The following BCL2 variants were observed in gnomAD, a reference collection of about 807,000 sequenced individuals.
BCL2 encodes apoptosis regulator Bcl-2.
A neutral mutation model predicts 14.2 loss-of-function variants in BCL2; 1 was observed. The observed-to-expected ratio is 0.07, with a 90% CI of 0.02 to 0.33. BCL2 has a LOEUF of 0.33. Among genes scored for constraint, BCL2 ranks in the 10% least tolerant of loss-of-function variants. The pLI is 0.99. For synonymous variants in BCL2, 151 were observed against 137.2 expected (o/e 1.10, Z -0.70); for missense variants, 247 against 305.9 (o/e 0.81, Z 1.44).
In BCL2 at chr18:63,129,291, T is replaced by TC. The variant is rs1312991393; in HGVS notation, c.586-533dup. Reference sequence around the variant, plus strand: ...TAGTCTTTGTACCAAACTTTTTCTTTCTTTTTTTTTTTTTAGAGACAAGAG... The same window carrying TC: ...TAGTCTTTGTACCAAACTTTTTCTTTCCTTTTTTTTTTTTTAGAGACAAGAG... On this transcript the variant is annotated intron_variant, in intron 2 of 2. Transcript: ENST00000333681. 5.2e-4 allele frequency among the ~76,000 whole-genome samples: 15 copies of TC among 29,068 alleles called. No individual in the cohort carries two copies. The East Asian group carries it at 0.028, about 54-fold the overall frequency. 19.1% of individuals were successfully genotyped at this position (29,068 alleles called of 152,430 possible). A position where few individuals can be genotyped will look rare whatever the true frequency, so the allele number is the denominator to read the frequency against.
chr18:63,275,454 G>A (rs1461072431), intron 2 of BCL2, among the ~76,000 whole-genome samples: 2 of 152,126 alleles, frequency 1.3e-5, no homozygotes, highest in Non-Finnish European at 2.9e-5. Context: ...CCTCTCAGTG[G>A]CCAAAGGATG....
At chr18:63,300,481 T>G (rs1022575852) in intron 2 of BCL2, among the ~76,000 whole-genome samples, 1 of 151,976 alleles carries the variant, frequency 6.6e-6, no homozygotes, top group African/African-American at 2.4e-5. Flanking sequence ...TGTGTGTGTG[T>G]GTGTGTGTGT....
chr18:63,234,689 A>G (rs1910774524), intron 2 of BCL2, among the ~76,000 whole-genome samples: 1 of 152,168 alleles, frequency 6.6e-6, no homozygotes, highest in Admixed American at 6.6e-5. Context: ...GGTTAAGCGC[A>G]TGGGCTCTGG....
chr18:63,237,527 T>C lies in BCL2; in HGVS notation c.585+80555A>G, dbSNP rs898353669. 4.9e-4 allele frequency among the ~76,000 whole-genome samples: 75 copies of C among 152,314 alleles called. 1 individual carries two copies. The highest frequency in any genetic ancestry group is 5.7e-4 in the Non-Finnish European group (39 of 68,030). ...CCTCCCAAGGCATATGATTCTGTCT[T>C]TTGCTTTCTCTTACCCTTAGCAATA... On this transcript the variant is annotated intron_variant, in intron 2 of 2. Transcript: ENST00000333681.
At position 63,128,388 on chromosome 18, in the gene BCL2, A is replaced by C; in HGVS notation, c.*237T>G. On this transcript the variant is annotated 3_prime_UTR_variant, in exon 3 of 3. Transcript: ENST00000333681. ...AATAAATAAATCTTTTTTTCTTAATAATGTAAAAAATAAATGATATTTCCC... is the reference window on the plus strand; with the variant it reads ...AATAAATAAATCTTTTTTTCTTAATCATGTAAAAAATAAATGATATTTCCC... The C allele has an allele frequency of 2.5e-6, 1 of 393,088 alleles. No homozygotes were observed. The highest frequency in any genetic ancestry group is 6.6e-5 in the South Asian group (1 of 15,092). 24.4% of individuals were successfully genotyped at this position (393,088 alleles called of 1,614,324 possible).
intron 2 of BCL2, among the ~76,000 whole-genome samples, chr18:63,313,294 T>G (rs570928355): frequency 3.3e-5 from 5 of 152,318 alleles, no homozygotes; most frequent in South Asian, 2.1e-4. Flanking sequence ...GTGGAATAAC[T>G]GTCAGTCCTT....
intron 2 of BCL2, among the ~76,000 whole-genome samples, chr18:63,290,681 CT>C (rs1211031545): frequency 6.6e-6 from 1 of 152,142 alleles, no homozygotes; most frequent in Non-Finnish European, 1.5e-5. Flanking sequence ...GGAGCCCTTG[CT>C]TTGGAGAGAT....
At chr18:63,274,858 C>T (rs1278398849) in intron 2 of BCL2, among the ~76,000 whole-genome samples, 1 of 152,094 alleles carries the variant, frequency 6.6e-6, no homozygotes, top group Non-Finnish European at 1.5e-5. Flanking sequence ...TAAATAAAAG[C>T]TTAATTTTTA....
chr18:63,154,747 C>T (rs1914730625), intron 2 of BCL2, among the ~76,000 whole-genome samples: 1 of 152,204 alleles, frequency 6.6e-6, no homozygotes, highest in Non-Finnish European at 1.5e-5. Flanking sequence ...CTCACTGCCA[C>T]CTGTCTCTCT....
chr18:63,158,434 C>T (rs928124839), intron 2 of BCL2, among the ~76,000 whole-genome samples: 4 of 152,146 alleles, frequency 2.6e-5, no homozygotes, highest in Admixed American at 6.5e-5. Context: ...CACACGCTCT[C>T]CTCCACACCA....
intron 2 of BCL2, among the ~76,000 whole-genome samples, chr18:63,258,339 T>C (rs977467578): frequency 6.6e-6 from 1 of 152,206 alleles, no homozygotes; most frequent in Non-Finnish European, 1.5e-5. Context: ...GGTACTACCA[T>C]ATATTATTTA....
At chr18:63,226,248 A>T (rs967310398) in intron 2 of BCL2, among the ~76,000 whole-genome samples, 1 of 152,122 alleles carries the variant, frequency 6.6e-6, no homozygotes, top group Non-Finnish European at 1.5e-5. Context: ...GGAGCCAGGG[A>T]TTTTTTATGG....
At chr18:63,194,514 T>C (rs1909388783) in intron 2 of BCL2, among the ~76,000 whole-genome samples, 1 of 152,072 alleles carries the variant, frequency 6.6e-6, no homozygotes, top group Non-Finnish European at 1.5e-5. Flanking sequence ...TTTGTATTTT[T>C]AGTAGAGACG....
chr18:63,173,964 T>C (rs574022419), intron 2 of BCL2, among the ~76,000 whole-genome samples: 7 of 152,316 alleles, frequency 4.6e-5, no homozygotes, highest in South Asian at 2.1e-4. Flanking sequence ...ACTTGGATAA[T>C]TGGAATGAGG....
intron 2 of BCL2, among the ~76,000 whole-genome samples, chr18:63,164,271 T>C (rs903978420): frequency 3.9e-5 from 6 of 152,168 alleles, no homozygotes; most frequent in African/African-American, 1.2e-4. Flanking sequence ...TATTACTACA[T>C]ACCCAAGAGA....
chr18:63,262,850 A>T (rs974731125), intron 2 of BCL2, among the ~76,000 whole-genome samples: 10 of 152,234 alleles, frequency 6.6e-5, no homozygotes, highest in African/African-American at 2.4e-4. Context: ...TCAACAAGGA[A>T]TATAAAAATG....
intron 2 of BCL2, among the ~76,000 whole-genome samples, chr18:63,204,036 C>A (rs1182720970): frequency 6.6e-6 from 1 of 152,126 alleles, no homozygotes; most frequent in Non-Finnish European, 1.5e-5. Flanking sequence ...TCTAGAGAAA[C>A]AGCACCACAG....
At chr18:63,296,937 G>A (rs1042277573) in intron 2 of BCL2, among the ~76,000 whole-genome samples, 32 of 152,328 alleles carry the variant, frequency 2.1e-4, no homozygotes, top group African/African-American at 7.0e-4. Flanking sequence ...AACCGGCCCC[G>A]CACGGTGGCT....
intron 2 of BCL2, among the ~76,000 whole-genome samples, chr18:63,275,997 C>T (rs1383317763): frequency 6.6e-6 from 1 of 152,234 alleles, no homozygotes. Context: ...CTTCAGGTGA[C>T]AGCCAACACC....
Sources: allele counts gnomAD v4.1 joint callset (sites outside exome capture counted in the v4.1 genomes callset), GRCh38; gene constraint gnomAD v4.1.1; transcripts MANE v1.5; gene names NCBI Gene and HGNC (gene_info 2026-07-23, HGNC 2026-07-21).